The following NRXN1 variants were observed in gnomAD, a reference collection of about 807,000 sequenced individuals.
NRXN1 encodes the protein neurexin-1.
NRXN1 carries 39 observed loss-of-function variants against 150.9 expected under a neutral mutation model. That is an observed-to-expected ratio of 0.26 (90% confidence interval 0.20 to 0.34). The LOEUF is 0.34. Among genes scored for constraint, NRXN1 ranks in the 10% least tolerant of loss-of-function variants. The pLI is 1.00. For missense variants in NRXN1, 1,815 were observed against 1,949.9 expected (o/e 0.93, Z 1.30); for synonymous variants, 924 against 757.0 (o/e 1.22, Z -3.62).
At chr2:50,149,125 G>T (rs140715622) in intron 18 of NRXN1, among the ~76,000 whole-genome samples, 4 of 151,832 alleles carry the variant, frequency 2.6e-5, no homozygotes, top group East Asian at 3.9e-4. Flanking sequence ...TATGAAAGAG[G>T]CTATTTGTTG....
intron 5 of NRXN1, among the ~76,000 whole-genome samples, chr2:50,659,132 A>C (rs1686923593): frequency 6.6e-6 from 1 of 152,012 alleles, no homozygotes; most frequent in African/African-American, 2.4e-5. Context: ...AGGTATGACT[A>C]CTGTTCCATC....
chr2:50,658,130 G>T (rs1253388636), intron 5 of NRXN1, among the ~76,000 whole-genome samples: 1 of 151,952 alleles, frequency 6.6e-6, no homozygotes, highest in Non-Finnish European at 1.5e-5. Context: ...ATGTGAAAGT[G>T]CTTGGCTTTA....
intron 17 of NRXN1, among the ~76,000 whole-genome samples, chr2:50,300,542 C>T (rs908278259): frequency 6.6e-6 from 1 of 152,096 alleles, no homozygotes; most frequent in Non-Finnish European, 1.5e-5. Context: ...CAAGGCCATA[C>T]AATATAAAGA....
intron 8 of NRXN1, among the ~76,000 whole-genome samples, chr2:50,565,107 T>C (rs2105419254): frequency 6.6e-6 from 1 of 152,234 alleles, no homozygotes; most frequent in Admixed American, 6.5e-5. Flanking sequence ...AAACTGACTT[T>C]GGTGTCCAAG....
chr2:50,249,375 C>A (rs547107589), intron 17 of NRXN1, among the ~76,000 whole-genome samples: 316 of 152,022 alleles, frequency 2.1e-3, no homozygotes, highest in African/African-American at 7.2e-3. Context: ...ATGAGTGGGG[C>A]ATTTTGACAC....
intron 17 of NRXN1, among the ~76,000 whole-genome samples, chr2:50,357,826 T>C (rs1251700149): frequency 1.3e-5 from 2 of 152,168 alleles, no homozygotes; most frequent in South Asian, 2.1e-4. Flanking sequence ...CTGCAGCTCC[T>C]AGCAAGACCA....
intron 21 of NRXN1, among the ~76,000 whole-genome samples, chr2:49,962,895 G>C (rs1211085791): frequency 6.6e-6 from 1 of 152,046 alleles, no homozygotes; most frequent in African/African-American, 2.4e-5. Flanking sequence ...GGAGACAGCA[G>C]TGAGCTATGA....
At chr2:50,095,959 C>T (rs1405991494) in intron 18 of NRXN1, among the ~76,000 whole-genome samples, 2 of 127,596 alleles carry the variant, frequency 1.6e-5, no homozygotes, top group Non-Finnish European at 3.2e-5. Flanking sequence ...ACAACAGGCC[C>T]CGGTGTGTGA....
In NRXN1 at chr2:49,926,448, T is replaced by C. The variant is rs200276931; in HGVS notation, c.4217-4197A>G. The C allele has an allele frequency of 2.9e-4, 114 of 398,160 alleles. No individual in the cohort carries two copies. In the East Asian group the frequency reaches 4.0e-3, roughly 14 times the overall value. The allele number at this position is 398,160 out of a possible 1,614,324, so 24.7% of individuals were successfully genotyped here. Reference sequence around the variant, plus strand: ...TTGTTTTTTGTTGTCTAATATGTATTGTGGTAACTTCGGTAAACACGAGCT... The same window carrying C: ...TTGTTTTTTGTTGTCTAATATGTATCGTGGTAACTTCGGTAAACACGAGCT... On this transcript the variant is annotated intron_variant, in intron 22 of 22. Coordinates refer to ENST00000401669, the MANE Select transcript of NRXN1 (RefSeq NM_001330078.2).
chr2:50,714,162 C>T (rs1410375988), intron 5 of NRXN1, among the ~76,000 whole-genome samples: 1 of 152,156 alleles, frequency 6.6e-6, no homozygotes, highest in Non-Finnish European at 1.5e-5. Context: ...ATTACCATTC[C>T]CAGTAGCTAA....
chr2:50,264,097 A>G (rs1400358250), intron 17 of NRXN1, among the ~76,000 whole-genome samples: 1 of 152,182 alleles, frequency 6.6e-6, no homozygotes, highest in Non-Finnish European at 1.5e-5. Context: ...TTACTATCTT[A>G]TGCAGTAGGA....
intron 19 of NRXN1, among the ~76,000 whole-genome samples, chr2:50,078,649 C>T (rs111822207): frequency 5.3e-5 from 8 of 152,124 alleles, no homozygotes; most frequent in African/African-American, 1.9e-4. Flanking sequence ...GTGTAGTTAA[C>T]ACTTTTGAAG....
At chr2:50,957,667 T>C (rs575065198) in intron 2 of NRXN1, among the ~76,000 whole-genome samples, 2 of 152,174 alleles carry the variant, frequency 1.3e-5, no homozygotes, top group Non-Finnish European at 2.9e-5. Flanking sequence ...TTTTAAATAC[T>C]AAACACTAAA....
chr2:50,828,454 G>T (rs1003783905), intron 5 of NRXN1, among the ~76,000 whole-genome samples: 1 of 149,926 alleles, frequency 6.7e-6, no homozygotes, highest in Non-Finnish European at 1.5e-5. Context: ...CGGGCGGAGG[G>T]GCTCCTCACT....
intron 5 of NRXN1, among the ~76,000 whole-genome samples, chr2:50,749,288 T>C (rs1250259909): frequency 6.6e-6 from 1 of 152,126 alleles, no homozygotes; most frequent in African/African-American, 2.4e-5. Context: ...TGTGGCATGA[T>C]AATCTATTCT....
intron 17 of NRXN1, among the ~76,000 whole-genome samples, chr2:50,333,183 C>A (rs2076942944): frequency 6.6e-6 from 1 of 152,098 alleles, no homozygotes; most frequent in East Asian, 1.9e-4. Context: ...GCCTGTGCTC[C>A]CCTACGTGGG....
At chr2:50,407,749 C>G (rs1362520293) in intron 17 of NRXN1, among the ~76,000 whole-genome samples, 4 of 152,056 alleles carry the variant, frequency 2.6e-5, no homozygotes, top group Non-Finnish European at 4.4e-5. Flanking sequence ...GAGACCTCCG[C>G]AGCAAAAAGG....
chr2:50,007,788 G>C (rs1272721058), intron 21 of NRXN1, among the ~76,000 whole-genome samples: 2 of 152,114 alleles, frequency 1.3e-5, no homozygotes, highest in African/African-American at 2.4e-5. Context: ...TCTGGTTCTA[G>C]ATCCTTGAGG....
chr2:50,717,343 G>A (rs17040973), intron 5 of NRXN1, among the ~76,000 whole-genome samples: 4,349 of 152,102 alleles, frequency 0.029, 271 homozygotes, highest in East Asian at 0.16. Context: ...GTACTTCCTG[G>A]TACCCCAAAA....
Sources: gnomAD v4.1 joint callset for allele counts (sites outside exome capture counted in the v4.1 genomes callset) on GRCh38, gnomAD v4.1.1 for gene constraint, MANE v1.5 for transcripts, NCBI Gene and HGNC (gene_info 2026-07-23, HGNC 2026-07-21) for gene names.